Variants in EFCAB11 observed in about 807,000 individuals in gnomAD.
EFCAB11 encodes the protein EF-hand calcium binding domain 11.
A neutral mutation model predicts 23.0 loss-of-function variants in EFCAB11; 14 were observed. That is an observed-to-expected ratio of 0.61 (90% CI 0.40 to 0.95). The LOEUF (loss-of-function observed/expected upper bound fraction) is 0.95, where lower values mean the gene tolerates loss of function less well. EFCAB11 is among the 40% of genes least tolerant of loss of function. The pLI is 0.00. For missense variants in EFCAB11, 198 were observed against 195.8 expected, an observed-to-expected ratio of 1.01 and a Z score of -0.07; for synonymous variants, 65 against 66.6, an observed-to-expected ratio of 0.98 and a Z score of 0.11.
intron 5 of EFCAB11, among the ~76,000 whole-genome samples, chr14:89,801,059 A>AAAAAAG (rs1555369622): frequency 1.5e-4 from 21 of 138,782 alleles, no homozygotes; most frequent in Admixed American, 3.0e-4. Flanking sequence ...AAAAAAAAAA[A>AAAAAAG]AGAAGTACTG....
At chr14:89,937,830 T>C (rs1467364241) in intron 3 of EFCAB11, among the ~76,000 whole-genome samples, 1 of 152,098 alleles carries the variant, frequency 6.6e-6, no homozygotes, top group Admixed American at 6.6e-5. Flanking sequence ...GGCCAACATG[T>C]ACATATTTTT....
chr14:89,892,044 G>A (rs1888987981), intron 5 of EFCAB11: 4 of 1,538,458 alleles, frequency 2.6e-6, no homozygotes, highest in Non-Finnish European at 3.5e-6. Context: ...TCCTTTTACC[G>A]GAATGTGGTG....
intron 3 of EFCAB11, among the ~76,000 whole-genome samples, chr14:89,935,189 T>G (rs1385639025): frequency 2.0e-5 from 3 of 152,138 alleles, no homozygotes; most frequent in African/African-American, 7.2e-5. Flanking sequence ...GATTAGGATC[T>G]ACGGTAATTA....
intron 5 of EFCAB11, among the ~76,000 whole-genome samples, chr14:89,911,689 T>C (rs1596448949): frequency 1.3e-5 from 2 of 152,160 alleles, no homozygotes; most frequent in African/African-American, 4.8e-5. Context: ...CCAGCAATCA[T>C]TGTGTGAGCC....
chr14:89,806,793 C>G lies in EFCAB11; in HGVS notation c.411-9469G>C, dbSNP rs539027503. Among the ~76,000 whole-genome samples the G allele has an allele frequency of 3.5e-4, 53 of 152,202 alleles. 2 individuals carry two copies. Among genetic ancestry groups the G allele is most frequent in the African/African-American group, 1.3e-3 (53 of 41,520 alleles). ...GCTGAATGGCTAGGCTAGATGATTG[C>G]TAAGATTTGGTTCAGTTCTCAATTT... On this transcript the variant is annotated intron_variant, in intron 5 of 5. Coordinates refer to ENST00000316738, the MANE Select transcript of EFCAB11 (RefSeq NM_145231.4).
chr14:89,824,859 A>G (rs1355029375), intron 5 of EFCAB11, among the ~76,000 whole-genome samples: 1 of 152,132 alleles, frequency 6.6e-6, no homozygotes, highest in Non-Finnish European at 1.5e-5. Context: ...AAATACATGA[A>G]GCAAAACATC....
chr14:89,949,947 G>T, intron 3 of EFCAB11, 150 bp downstream of exon 3: 2 of 788,462 alleles, frequency 2.5e-6, no homozygotes, highest in South Asian at 1.7e-5. Flanking sequence ...AGAACAACAT[G>T]CGAAAAACCC....
rs1397182480 is a variant in EFCAB11, at chr14:89,819,858, CAT to C, written c.411-22536_411-22535del. On this transcript the variant is annotated intron_variant, in intron 5 of 5. Coordinates refer to ENST00000316738, the MANE Select transcript of EFCAB11 (RefSeq NM_145231.4). ...TATTAAATATATGTAGTTTATTACA[CAT>C]CAGTTATATCACAATAAAAATGTAA... Among the ~76,000 whole-genome samples the C allele has an allele frequency of 2.6e-5, 4 of 152,180 alleles. No homozygotes were observed. In the East Asian group the frequency reaches 7.7e-4, roughly 29 times the overall value.
chr14:89,851,492 A>T (rs1887600664), intron 5 of EFCAB11, among the ~76,000 whole-genome samples: 1 of 152,264 alleles, frequency 6.6e-6, no homozygotes, highest in Non-Finnish European at 1.5e-5. Context: ...TCCTGCTAAA[A>T]GGTCAGCACA....
intron 5 of EFCAB11, among the ~76,000 whole-genome samples, chr14:89,930,424 T>G (rs180970422): frequency 6.6e-6 from 1 of 152,306 alleles, no homozygotes; most frequent in Non-Finnish European, 1.5e-5. Flanking sequence ...GGCACATCAT[T>G]GCCCAGAGCA....
intron 5 of EFCAB11, among the ~76,000 whole-genome samples, chr14:89,882,012 A>C (rs546649850): frequency 6.0e-4 from 92 of 152,318 alleles, no homozygotes; most frequent in Non-Finnish European, 1.1e-3. Flanking sequence ...AATGCTTCCA[A>C]AAACTGGTTT....
chr14:89,888,324 T>G (rs567935723), intron 5 of EFCAB11, among the ~76,000 whole-genome samples: 1 of 152,366 alleles, frequency 6.6e-6, no homozygotes, highest in African/African-American at 2.4e-5. Flanking sequence ...CTTGCATTGC[T>G]ATAAAGAAAT....
At chr14:89,950,170 A>T (rs376114834) in intron 2 of EFCAB11, 28 bp from the exon 3 acceptor site, 1 of 1,540,018 alleles carries the variant, frequency 6.5e-7, no homozygotes, top group Non-Finnish European at 8.8e-7. Flanking sequence ...ATAATAGAAC[A>T]TGTAATTTTA....
At chr14:89,829,058 G>C (rs930916727) in intron 5 of EFCAB11, among the ~76,000 whole-genome samples, 1 of 152,240 alleles carries the variant, frequency 6.6e-6, no homozygotes, top group Non-Finnish European at 1.5e-5. Flanking sequence ...ATGGTGATAT[G>C]AAGGAAGAGT....
chr14:89,808,839 G>C (rs972541632), intron 5 of EFCAB11, among the ~76,000 whole-genome samples: 1 of 152,064 alleles, frequency 6.6e-6, no homozygotes, highest in Non-Finnish European at 1.5e-5. Context: ...AGGTTCAGAG[G>C]GCCATATACA....
intron 5 of EFCAB11, among the ~76,000 whole-genome samples, chr14:89,831,546 A>G (rs1342495189): frequency 6.6e-6 from 1 of 152,228 alleles, no homozygotes; most frequent in Non-Finnish European, 1.5e-5. Flanking sequence ...TTTTAATTAG[A>G]TATCTCTATA....
At chr14:89,814,905 C>A (rs1886280677) in intron 5 of EFCAB11, among the ~76,000 whole-genome samples, 1 of 152,038 alleles carries the variant, frequency 6.6e-6, no homozygotes, top group Non-Finnish European at 1.5e-5. Flanking sequence ...TCCCATTGGA[C>A]AAAGAAAGGA....
At chr14:89,883,892 G>A (rs1411265946) in intron 5 of EFCAB11, among the ~76,000 whole-genome samples, 3 of 152,310 alleles carry the variant, frequency 2.0e-5, no homozygotes, top group Middle Eastern at 6.8e-3. Context: ...CTCAAGAGAT[G>A]GAGGTGGGAG....
At chr14:89,864,775 T>C (rs1277903791) in intron 5 of EFCAB11, among the ~76,000 whole-genome samples, 3 of 152,172 alleles carry the variant, frequency 2.0e-5, no homozygotes, top group Non-Finnish European at 4.4e-5. Context: ...ACTAAATACT[T>C]AAAATACAAA....
Sources: gnomAD v4.1 joint callset for allele counts (sites outside exome capture counted in the v4.1 genomes callset) on GRCh38, gnomAD v4.1.1 for gene constraint, MANE v1.5 for transcripts, NCBI Gene and HGNC (gene_info 2026-07-23, HGNC 2026-07-21) for gene names.